Variants in FOXK2 observed in about 807,000 individuals in gnomAD.
FOXK2 encodes forkhead box K2.
In FOXK2, 24 loss-of-function variants were observed where a neutral mutation model predicts 53.3. The observed-to-expected ratio is 0.45, with a 90% CI of 0.33 to 0.63. The LOEUF (loss-of-function observed/expected upper bound fraction) is 0.63. FOXK2 is among the 30% of genes least tolerant of loss of function. FOXK2 has a pLI of 0.03. For synonymous variants in FOXK2, 505 were observed against 407.1 expected, an observed-to-expected ratio of 1.24 and a Z score of -2.89; for missense variants, 952 against 910.5, an observed-to-expected ratio of 1.05 and a Z score of -0.59.
At chr17:82,579,070 G>A (rs923584482) in intron 4 of FOXK2, among the ~76,000 whole-genome samples, 1 of 150,426 alleles carries the variant, frequency 6.6e-6, no homozygotes, top group African/African-American at 2.4e-5. Flanking sequence ...CTGAGTCCCC[G>A]CTTAGGAGGA....
intron 8 of FOXK2, chr17:82,596,189 C>G: frequency 1.0e-6 from 1 of 995,452 alleles, no homozygotes; most frequent in Non-Finnish European, 1.2e-6. Context: ...ACACCAACTG[C>G]AGGTCAGTTC....
chr17:82,535,240 TTGC>T (rs1486572561), intron 1 of FOXK2, among the ~76,000 whole-genome samples: 2 of 152,216 alleles, frequency 1.3e-5, no homozygotes, highest in African/African-American at 4.8e-5. Context: ...CGCTTATCTC[TTGC>T]TGCTGTCAAG....
intron 1 of FOXK2, among the ~76,000 whole-genome samples, chr17:82,540,154 G>T (rs1447457660): frequency 6.6e-6 from 1 of 151,900 alleles, no homozygotes; most frequent in Middle Eastern, 3.2e-3. Context: ...GATGGCGGAT[G>T]CCTGTAATCC....
At chr17:82,551,542 G>T (rs547414643) in intron 1 of FOXK2, among the ~76,000 whole-genome samples, 1 of 152,188 alleles carries the variant, frequency 6.6e-6, no homozygotes, top group Admixed American at 6.5e-5. Flanking sequence ...TTAGCCAGGT[G>T]TGGGGACATG....
At chr17:82,541,445 G>C (rs2044573656) in intron 1 of FOXK2, among the ~76,000 whole-genome samples, 1 of 151,870 alleles carries the variant, frequency 6.6e-6, no homozygotes, top group South Asian at 2.1e-4. Context: ...GCTAATTTTT[G>C]TATTTTTAGT....
intron 1 of FOXK2, among the ~76,000 whole-genome samples, chr17:82,560,833 C>T (rs908148069): frequency 7.9e-5 from 12 of 152,080 alleles, no homozygotes; most frequent in Non-Finnish European, 1.6e-4. Flanking sequence ...TGGTGGCATG[C>T]GCCTCTAGTC....
At chr17:82,550,069 C>T (rs185553653) in intron 1 of FOXK2, among the ~76,000 whole-genome samples, 8 of 152,238 alleles carry the variant, frequency 5.3e-5, no homozygotes, top group East Asian at 1.9e-4. Flanking sequence ...TGTGGTGGTA[C>T]GTGCCTGTAG....
chr17:82,585,920 T>G lies in FOXK2; in HGVS notation c.1296T>G (p.Ser432Arg). ...TTTCACCAGGGTCACCTCTGTCCAG[T>G]CAGCCAGTCTTAATCACCGTCCAGC... The part of the protein sequence containing the change: ...AQSAPGSPLS[S>R]QPVLITVQRQ... The change falls in exon 7 of 9, where the codon AGT becomes AGG. Residue 432 changes from serine to arginine, a missense_variant. Physicochemically the swap from Ser to Arg is moderately radical, Grantham distance 110 (BLOSUM62 -1). This residue lies in a region of FOXK2 where 551 missense variants were observed against 385.1 expected (regional missense o/e 1.43). Coordinates refer to ENST00000335255, the MANE Select transcript of FOXK2 (RefSeq NM_004514.4). 6.2e-7 allele frequency: 1 copy of G among 1,611,226 alleles called. No individual in the cohort carries two copies. Among genetic ancestry groups the G allele is most frequent in the Non-Finnish European group, 8.5e-7 (1 of 1,178,614 alleles).
chr17:82,582,926 C>G lies in FOXK2; in HGVS notation c.1095C>G (p.Leu365=). Residue 365 remains leucine (L), a synonymous_variant, in exon 5 of 9, where the codon CTC becomes CTG. Coordinates refer to ENST00000335255, the MANE Select transcript of FOXK2 (RefSeq NM_004514.4). Reference sequence around the variant, plus strand: ...GCTTTAGAACCCCTCTGGGACCGCTCTCTTCTAGGTAAGGAAAAAGAAGAA... The same window carrying G: ...GCTTTAGAACCCCTCTGGGACCGCTGTCTTCTAGGTAAGGAAAAAGAAGAA... ...VPCFRTPLGP[L]SSRSAPASPN... 1 of 1,584,358 alleles carries G rather than the reference C, an allele frequency of 6.3e-7. No homozygotes were observed. The highest frequency in any genetic ancestry group is 1.2e-5 in the South Asian group (1 of 85,792).
intron 1 of FOXK2, among the ~76,000 whole-genome samples, chr17:82,529,425 T>A (rs1220674521): frequency 6.6e-6 from 1 of 150,778 alleles, no homozygotes; most frequent in Non-Finnish European, 1.5e-5. Flanking sequence ...AGTTCTGCTC[T>A]GTCGTCCAGG....
chr17:82,521,167 G>A (rs1376857325), intron 1 of FOXK2, among the ~76,000 whole-genome samples: 1 of 150,934 alleles, frequency 6.6e-6, no homozygotes, highest in Non-Finnish European at 1.5e-5. Flanking sequence ...ACACAAACTG[G>A]AATTTTTTTG....
chr17:82,582,926 C>T lies in FOXK2; in HGVS notation c.1095C>T (p.Leu365=). 1.9e-6 allele frequency: 3 copies of T among 1,584,358 alleles called. No homozygotes were observed. The highest frequency in any genetic ancestry group is 2.6e-6 in the Non-Finnish European group (3 of 1,170,982). The change falls in exon 5 of 9, where the codon CTC becomes CTT. Residue 365 remains leucine, a synonymous_variant. Coordinates refer to ENST00000335255, the MANE Select transcript of FOXK2 (RefSeq NM_004514.4). ...GCTTTAGAACCCCTCTGGGACCGCTCTCTTCTAGGTAAGGAAAAAGAAGAA... is the reference window on the plus strand; with the variant it reads ...GCTTTAGAACCCCTCTGGGACCGCTTTCTTCTAGGTAAGGAAAAAGAAGAA... The part of the protein sequence containing the change: ...VPCFRTPLGP[L]SSRSAPASPN...
At chr17:82,599,215 A>C (rs11869798) in intron 8 of FOXK2, 36,948 of 150,254 alleles carry the variant, frequency 0.25, 4,753 homozygotes, top group Non-Finnish European at 0.28. Flanking sequence ...CTCCTGCCTC[A>C]GCCTCCCGAG....
At chr17:82,560,217 G>C (rs2044778056) in intron 1 of FOXK2, among the ~76,000 whole-genome samples, 1 of 151,764 alleles carries the variant, frequency 6.6e-6, no homozygotes, top group South Asian at 2.1e-4. Context: ...AGAGTGTTAG[G>C]CAGGATGGTC....
chr17:82,523,867 T>C (rs2044391381), intron 1 of FOXK2, among the ~76,000 whole-genome samples: 1 of 152,216 alleles, frequency 6.6e-6, no homozygotes, highest in Admixed American at 6.5e-5. Flanking sequence ...ATGTATAAGC[T>C]TGAAAGCACA....
At chr17:82,529,866 T>G (rs1045904111) in intron 1 of FOXK2, among the ~76,000 whole-genome samples, 1 of 152,220 alleles carries the variant, frequency 6.6e-6, no homozygotes. Context: ...ATTGTTACGT[T>G]TGTAATGTGT....
intron 1 of FOXK2, among the ~76,000 whole-genome samples, chr17:82,524,052 C>T (rs958892469): frequency 6.6e-6 from 1 of 152,010 alleles, no homozygotes; most frequent in African/African-American, 2.4e-5. Context: ...CACCACCAGG[C>T]CTGGCTTTGT....
chr17:82,596,357 G>A (rs2045310533), intron 8 of FOXK2, among the ~76,000 whole-genome samples: 1 of 151,970 alleles, frequency 6.6e-6, no homozygotes, highest in African/African-American at 2.4e-5. Context: ...TTCCATGCTT[G>A]GTGTAGGGGG....
Position 82,601,808 on chromosome 17 carries a change from C to T in FOXK2, c.*309C>T, listed in dbSNP as rs2045389384. On this transcript the variant is annotated 3_prime_UTR_variant, in exon 9 of 9. Transcript: ENST00000335255. ...CATCGCTGTGTGAGGACGGCACGGC[C>T]AGCGCCTGCTGTGAGTGGGTCTCCC... The T allele has an allele frequency of 7.3e-6, 2 of 272,198 alleles. No homozygotes were observed. The highest frequency in any genetic ancestry group is 1.3e-4 in the East Asian group (2 of 15,640). 16.9% of individuals were successfully genotyped at this position (272,198 alleles called of 1,614,324 possible). A position where few individuals can be genotyped will look rare whatever the true frequency, so the allele number is the denominator to read the frequency against.
Sources: gnomAD v4.1 joint callset for allele counts (sites outside exome capture counted in the v4.1 genomes callset) on GRCh38, gnomAD v4.1.1 for gene constraint, gnomAD v4.1.1 regional missense constraint, MANE v1.5 for transcripts, NCBI Gene and HGNC (gene_info 2026-07-23, HGNC 2026-07-21) for gene names.